Variants in RPP21 observed in about 807,000 individuals in gnomAD.
The protein encoded by RPP21 is ribonuclease P protein subunit p21.
In RPP21, 21 loss-of-function variants were observed where a neutral mutation model predicts 19.0. The observed-to-expected ratio is 1.11, with a 90% confidence interval of 0.78 to 1.59. The LOEUF is 1.59. Ranked by LOEUF, RPP21 falls within the 40% of genes most tolerant of loss-of-function variation. RPP21 has a pLI of 0.00. For synonymous variants in RPP21, 93 were observed against 78.7 expected, an observed-to-expected ratio of 1.18 and a Z score of -0.96; for missense variants, 215 against 200.2, an observed-to-expected ratio of 1.07 and a Z score of -0.45.
Position 30,345,494 on chromosome 6 carries a change from T to G in RPP21, c.162T>G (p.Asp54Glu). ...CACTATCCTCCTCCGCCCCCAGGGA[T>G]CCCTCGGTGAAGAGGACTCTCTGTC... ...TIAKRLVLRR[D>E]PSVKRTLCRG... The change falls in exon 3 of 5, where the codon GAT (aspartate) becomes GAG (glutamate). Residue 54 changes from aspartate to glutamate, a missense_variant. Asp to Glu is a conservative substitution (Grantham distance 45). Coordinates refer to ENST00000442966, the MANE Select transcript of RPP21 (RefSeq NM_024839.4). 1 of 1,607,386 alleles carries G rather than the reference T, an allele frequency of 6.2e-7. No individual in the cohort carries two copies. The highest frequency in any genetic ancestry group is 8.5e-7 in the Non-Finnish European group (1 of 1,176,912).
At position 30,346,279 on chromosome 6, in the gene RPP21, C is replaced by T. The variant is rs1788140468; in HGVS notation, c.242-153C>T. On this transcript the variant is annotated intron_variant, in intron 3 of 4. Transcript: ENST00000442966. This position sits in a 1 kb window ranked among gnomAD's most constrained non-coding sequence, Gnocchi z 4.7. ...AAAGAGTTCCAGGAAATCGATGGAG[C>T]TTATGCCGAGGCCTGACACCATCAA... 6 of 1,308,996 alleles carry T rather than the reference C, an allele frequency of 4.6e-6. No homozygotes were observed. The highest frequency in any genetic ancestry group is 1.5e-5 in the South Asian group (1 of 64,874). The allele number at this position is 1,308,996 out of a possible 1,614,324, so 81.1% of individuals were successfully genotyped here.
rs749229002 is a variant in RPP21, at chr6:30,345,492, G to C, written c.160G>C (p.Asp54His). Residue 54 changes from aspartate to histidine, a missense_variant and splice_region_variant, in exon 3 of 5, where the codon GAT becomes CAT. Asp to His is a moderately conservative substitution (Grantham distance 81). Coordinates refer to ENST00000442966, the MANE Select transcript of RPP21 (RefSeq NM_024839.4). ...TIAKRLVLRR[D>H]PSVKRTLCRG... ...ACCACTATCCTCCTCCGCCCCCAGG[G>C]ATCCCTCGGTGAAGAGGACTCTCTG... 6.2e-7 allele frequency: 1 copy of C among 1,607,830 alleles called. No individual in the cohort carries two copies. Among genetic ancestry groups the C allele is most frequent in the Non-Finnish European group, 8.5e-7 (1 of 1,177,152 alleles).
Position 30,346,176 on chromosome 6 carries a change from T to G in RPP21, c.242-256T>G. Reference sequence around the variant, plus strand: ...GAGTTCAGGAGGCTGGAGTTTGAGGTAGGAGGGCAAAACATGAGACTGGAG... The same window carrying G: ...GAGTTCAGGAGGCTGGAGTTTGAGGGAGGAGGGCAAAACATGAGACTGGAG... On this transcript the variant is annotated intron_variant, in intron 3 of 4. Coordinates refer to ENST00000442966, the MANE Select transcript of RPP21 (RefSeq NM_024839.4). The surrounding 1 kb of genome is among the most constrained non-coding windows in gnomAD (Gnocchi z 4.7). 4.1e-6 allele frequency: 2 copies of G among 487,074 alleles called. No homozygotes were observed. Among genetic ancestry groups the G allele is most frequent in the East Asian group, 3.9e-5 (1 of 25,826 alleles). The allele number at this position is 487,074 out of a possible 1,614,324, so 30.2% of individuals were successfully genotyped here.
rs1282783822 is a variant in RPP21 at position 30,346,249 on chromosome 6, A to G, written c.242-183A>G. 9.2e-7 allele frequency: 1 copy of G among 1,089,740 alleles called. No homozygotes were observed. The highest frequency in any genetic ancestry group is 1.6e-5 in the African/African-American group (1 of 62,952). The allele number at this position is 1,089,740 out of a possible 1,614,324, so 67.5% of individuals were successfully genotyped here. On this transcript the variant is annotated intron_variant, in intron 3 of 4. Transcript: ENST00000442966. This position sits in a 1 kb window ranked among gnomAD's most constrained non-coding sequence, Gnocchi z 4.7. ...AGTCTTGTTAGGGAGTTTGAACTTT[A>G]TCTTAAAGAGTTCCAGGAAATCGAT...
rs1250861995 is a variant in RPP21 at position 30,345,490 on chromosome 6, G to T, written c.159-1G>T. On this transcript the variant is annotated splice_acceptor_variant, in intron 2 of 4. Transcript: ENST00000442966. LOFTEE classifies it high-confidence loss of function. ...AGACCACTATCCTCCTCCGCCCCCAGGGATCCCTCGGTGAAGAGGACTCTC... is the reference window on the plus strand; with the variant it reads ...AGACCACTATCCTCCTCCGCCCCCATGGATCCCTCGGTGAAGAGGACTCTC... 6.2e-7 allele frequency: 1 copy of T among 1,608,700 alleles called. No individual in the cohort carries two copies. Among genetic ancestry groups the T allele is most frequent in the Non-Finnish European group, 8.5e-7 (1 of 1,177,682 alleles).
rs753913716 is a variant in RPP21, at chr6:30,345,394, C to G, written c.154C>G (p.Arg52Gly). 5 of 1,612,558 alleles carry G rather than the reference C, an allele frequency of 3.1e-6. No homozygotes were observed. The highest frequency in any genetic ancestry group is 4.5e-5 in the East Asian group (2 of 44,840). Reference protein sequence around the residue: ...ERTIAKRLVLRRDPSVKRTLC... With the variant: ...ERTIAKRLVLGRDPSVKRTLC... ...GACCATTGCGAAGCGGCTCGTCTTG[C>G]GGCGGTGAGACAGCCACGGGGCGGG... Residue 52 changes from arginine (R) to glycine (G), a missense_variant, in exon 2 of 5, where the codon CGG becomes GGG. Coordinates refer to ENST00000442966, the MANE Select transcript of RPP21 (RefSeq NM_024839.4).
At chr6:30,345,739 A>C in intron 3 of RPP21, 166 bp downstream of exon 3, 1 of 801,344 alleles carries the variant, frequency 1.2e-6, no homozygotes, top group South Asian at 2.1e-5. Flanking sequence ...TAAGTTCCTA[A>C]CGCCACTTGC....
Position 30,345,317 on chromosome 6 carries a change from C to T in RPP21, c.77C>T (p.Ala26Val), listed in dbSNP as rs770868606. 3.7e-6 allele frequency: 6 copies of T among 1,613,730 alleles called. No homozygotes were observed. Among genetic ancestry groups the T allele is most frequent in the East Asian group, 4.5e-5 (2 of 44,866 alleles). ...FLYQAAHCVLAQDPENQALAR... is the reference protein window; with the variant it reads ...FLYQAAHCVLVQDPENQALAR... The stretch of plus-strand genomic sequence containing the variant: ...CCGCAGGCCGCCCATTGTGTCCTTG[C>T]CCAGGACCCCGAGAACCAGGCGCTG... The change falls in exon 2 of 5, where the codon GCC becomes GTC. Residue 26 changes from alanine to valine, a missense_variant. By Grantham distance (64) the Ala-to-Val change is moderately conservative (BLOSUM62 0). Coordinates refer to ENST00000442966, the MANE Select transcript of RPP21 (RefSeq NM_024839.4).
Position 30,346,843 on chromosome 6 carries a change from T to A in RPP21, c.*33T>A, listed in dbSNP as rs1788212053. On this transcript the variant is annotated 3_prime_UTR_variant, in exon 5 of 5. Coordinates refer to ENST00000442966, the MANE Select transcript of RPP21 (RefSeq NM_024839.4). This position sits in a 1 kb window ranked among gnomAD's most constrained non-coding sequence, Gnocchi z 4.7. ...ACCCCATCTCCCAAATAAAGTTTAC[T>A]TGTTTTACATTCCATGATTCTGTTC... 6.2e-7 allele frequency: 1 copy of A among 1,609,336 alleles called. No individual in the cohort carries two copies. Among genetic ancestry groups the A allele is most frequent in the Non-Finnish European group, 8.5e-7 (1 of 1,176,882 alleles).
chr6:30,346,258 A>C lies in RPP21; in HGVS notation c.242-174A>C. 8.9e-7 allele frequency: 1 copy of C among 1,128,322 alleles called. No homozygotes were observed. Among genetic ancestry groups the C allele is most frequent in the South Asian group, 1.8e-5 (1 of 55,428 alleles). 69.9% of individuals were successfully genotyped at this position (1,128,322 alleles called of 1,614,324 possible). On this transcript the variant is annotated intron_variant, in intron 3 of 4. Transcript: ENST00000442966. This position sits in a 1 kb window ranked among gnomAD's most constrained non-coding sequence, Gnocchi z 4.7. Reference sequence around the variant, plus strand: ...AGGGAGTTTGAACTTTATCTTAAAGAGTTCCAGGAAATCGATGGAGCTTAT... The same window carrying C: ...AGGGAGTTTGAACTTTATCTTAAAGCGTTCCAGGAAATCGATGGAGCTTAT...
rs963213515 is a variant in RPP21 at position 30,346,295 on chromosome 6, A to C, written c.242-137A>C. 9.5e-5 allele frequency: 137 copies of C among 1,441,308 alleles called. No individual in the cohort carries two copies. The East Asian group carries it at 3.1e-3, about 33-fold the overall frequency. The allele number at this position is 1,441,308 out of a possible 1,614,324, so 89.3% of individuals were successfully genotyped here. ...TCGATGGAGCTTATGCCGAGGCCTG[A>C]CACCATCAAATGTGCATTCAAATTG... On this transcript the variant is annotated intron_variant, in intron 3 of 4. Coordinates refer to ENST00000442966, the MANE Select transcript of RPP21 (RefSeq NM_024839.4). The surrounding 1 kb of genome is among the most constrained non-coding windows in gnomAD (Gnocchi z 4.7).
In RPP21 at chr6:30,346,600, G is replaced by A; in HGVS notation, c.367+43G>A. Reference sequence around the variant, plus strand: ...AAATGGAGGACACCCCAGAGGATAGGGACAATGGAGAACGTAGAGTGAAGA... The same window carrying A: ...AAATGGAGGACACCCCAGAGGATAGAGACAATGGAGAACGTAGAGTGAAGA... On this transcript the variant is annotated intron_variant, in intron 4 of 4. Transcript: ENST00000442966. The surrounding 1 kb of genome is among the most constrained non-coding windows in gnomAD (Gnocchi z 4.7). 1.2e-6 allele frequency: 2 copies of A among 1,614,070 alleles called. No individual in the cohort carries two copies. The highest frequency in any genetic ancestry group is 2.2e-5 in the South Asian group (2 of 91,078).
Position 30,345,542 on chromosome 6 carries a change from C to T in RPP21, c.210C>T (p.Val70=). ...GTCGAGGCTGCTCTTCCCTCCTCGT[C>T]CCGGGCCTCACCTGCACCCAGCGCC... ...TLCRGCSSLL[V]PGLTCTQRQR... The change falls in exon 3 of 5, where the codon GTC becomes GTT. Residue 70 remains valine (V), a synonymous_variant. Coordinates refer to ENST00000442966, the MANE Select transcript of RPP21 (RefSeq NM_024839.4). The T allele has an allele frequency of 2.5e-6, 4 of 1,586,122 alleles. No homozygotes were observed. The highest frequency in any genetic ancestry group is 1.1e-5 in the South Asian group (1 of 87,952).
Position 30,346,737 on chromosome 6 carries a change from C to T in RPP21, c.392C>T (p.Pro131Leu). The T allele has an allele frequency of 3.7e-6, 6 of 1,613,392 alleles. No individual in the cohort carries two copies. Among genetic ancestry groups the T allele is most frequent in the Non-Finnish European group, 5.1e-6 (6 of 1,180,026 alleles). ...QADSKPLQPLPNTAHSISDRL... is the reference protein window; with the variant it reads ...QADSKPLQPLLNTAHSISDRL... ...GATTCCAAACCACTACAACCCTTGCCAAACACAGCCCACTCCATTTCAGAC... is the reference window on the plus strand; with the variant it reads ...GATTCCAAACCACTACAACCCTTGCTAAACACAGCCCACTCCATTTCAGAC... The change falls in exon 5 of 5, where the codon CCA becomes CTA. Residue 131 changes from proline (P) to leucine (L), a missense_variant. Transcript: ENST00000442966. This position sits in a 1 kb window ranked among gnomAD's most constrained non-coding sequence, Gnocchi z 4.7.
rs771635697 is a variant in RPP21, at chr6:30,346,391, A to T, written c.242-41A>T. On this transcript the variant is annotated intron_variant, in intron 3 of 4. Coordinates refer to ENST00000442966, the MANE Select transcript of RPP21 (RefSeq NM_024839.4). This position sits in a 1 kb window ranked among gnomAD's most constrained non-coding sequence, Gnocchi z 4.7. ...GCAAAACTGGCAGCAAGAGACCGTT[A>T]CTTCTAAACGTGGACAGTCTTTTTC... 6.3e-7 allele frequency: 1 copy of T among 1,591,494 alleles called. No individual in the cohort carries two copies. Among genetic ancestry groups the T allele is most frequent in the Admixed American group, 1.7e-5 (1 of 58,784 alleles).
chr6:30,345,711 C>A, intron 3 of RPP21, 138 bp downstream of exon 3: 1 of 1,055,190 alleles, frequency 9.5e-7, no homozygotes, highest in Non-Finnish European at 1.3e-6. Flanking sequence ...CAGGAGTCTT[C>A]CTTCTTCGGG....
At chr6:30,345,678 A>T in intron 3 of RPP21, 105 bp downstream of exon 3, 9 of 1,278,116 alleles carry the variant, frequency 7.0e-6, no homozygotes, top group Admixed American at 2.8e-5. Flanking sequence ...CTCACTGTAG[A>T]TGGATGTTGG....
chr6:30,345,788 T>G lies in RPP21; in HGVS notation c.241+215T>G, dbSNP rs1331815028. 18 of 556,768 alleles carry G rather than the reference T, an allele frequency of 3.2e-5. No individual in the cohort carries two copies. In the African/African-American group the frequency reaches 3.5e-4, roughly 11 times the overall value. The allele number at this position is 556,768 out of a possible 1,614,324, so 34.5% of individuals were successfully genotyped here. On this transcript the variant is annotated intron_variant, in intron 3 of 4. Coordinates refer to ENST00000442966, the MANE Select transcript of RPP21 (RefSeq NM_024839.4). ...TGGGCTCGGCTGTTTTTTTTTTTTTTCTTCCAGTGTGGGCAATAAATAATA... is the reference window on the plus strand; with the variant it reads ...TGGGCTCGGCTGTTTTTTTTTTTTTGCTTCCAGTGTGGGCAATAAATAATA...
At chr6:30,345,251 A>C in intron 1 of RPP21, 23 bp downstream of exon 1, 1 of 1,612,590 alleles carries the variant, frequency 6.2e-7, no homozygotes, top group Non-Finnish European at 8.5e-7. Context: ...CAAGGGCCCC[A>C]CGGGGACGGT....
Sources: allele counts gnomAD v4.1 joint callset, GRCh38; gene constraint gnomAD v4.1.1; non-coding constraint Gnocchi (gnomAD v3.1); transcripts MANE v1.5; gene names NCBI Gene and HGNC (gene_info 2026-07-23, HGNC 2026-07-21).